Variants in WDFY3 observed in about 807,000 individuals in gnomAD.
WDFY3 encodes WD repeat and FYVE domain-containing protein 3.
WDFY3 carries 66 observed loss-of-function variants against 409.6 expected under a neutral mutation model. The ratio of observed to expected loss-of-function variants is 0.16; its 90% CI spans 0.13 to 0.20. The LOEUF (loss-of-function observed/expected upper bound fraction) is 0.20, where lower values mean the gene tolerates loss of function less well. Ranked by LOEUF, WDFY3 falls within the 10% of genes least tolerant of loss-of-function variation. WDFY3 has a pLI of 1.00. For missense variants in WDFY3, 3,031 were observed against 4,298.1 expected (o/e 0.71, Z 8.24); for synonymous variants, 1,521 against 1,537.1 (o/e 0.99, Z 0.25).
At chr4:84,766,184 C>A in intron 31 of WDFY3, 68 bp downstream of exon 31, 1 of 1,513,160 alleles carries the variant, frequency 6.6e-7, no homozygotes, top group Non-Finnish European at 8.9e-7. Context: ...GCAATTCCTT[C>A]TTTTGCCTAA....
At chr4:84,755,100 A>T (rs1001331686) in intron 34 of WDFY3, among the ~76,000 whole-genome samples, 166 bp downstream of exon 34, 4 of 152,208 alleles carry the variant, frequency 2.6e-5, no homozygotes, top group African/African-American at 9.6e-5. Context: ...ACAACTACAC[A>T]GTCTGTTCTT....
intron 58 of WDFY3, among the ~76,000 whole-genome samples, chr4:84,694,145 A>G (rs931844368): frequency 7.2e-5 from 11 of 152,226 alleles, no homozygotes; most frequent in Non-Finnish European, 1.2e-4. Flanking sequence ...CAGACTCTCA[A>G]ATCTTTAAAT....
chr4:84,860,281 A>G, intron 4 of WDFY3, 131 bp downstream of exon 4: 2 of 1,068,944 alleles, frequency 1.9e-6, no homozygotes. Flanking sequence ...GAAAACATGA[A>G]ACGAGAACAC....
intron 54 of WDFY3, 140 bp downstream of exon 54, chr4:84,705,254 G>T: frequency 1.5e-6 from 1 of 673,508 alleles, no homozygotes; most frequent in Non-Finnish European, 2.6e-6. Flanking sequence ...ATAATAATCT[G>T]CATATATGTG....
chr4:84,824,693 G>A (rs1472746344), intron 10 of WDFY3, among the ~76,000 whole-genome samples: 1 of 152,038 alleles, frequency 6.6e-6, no homozygotes, highest in Non-Finnish European at 1.5e-5. Context: ...ATATCCACTT[G>A]TCAAAACTCA....
intron 1 of WDFY3, among the ~76,000 whole-genome samples, chr4:84,950,634 C>G (rs1233522944): frequency 6.6e-6 from 1 of 151,990 alleles, no homozygotes; most frequent in Non-Finnish European, 1.5e-5. Flanking sequence ...TATTAAAATA[C>G]AAAAACTTAG....
intron 63 of WDFY3, 94 bp from the exon 64 acceptor site, chr4:84,682,564 A>G: frequency 2.0e-6 from 2 of 994,140 alleles, no homozygotes; most frequent in African/African-American, 3.3e-5. Flanking sequence ...CAGGGTTAAC[A>G]GATAACTTAA....
intron 2 of WDFY3, among the ~76,000 whole-genome samples, chr4:84,910,809 G>A (rs574902712): frequency 4.6e-5 from 7 of 152,106 alleles, no homozygotes; most frequent in South Asian, 2.1e-4. Context: ...AGGTTAAAGC[G>A]ATTCTCCTGC....
chr4:84,689,432 A>AT, intron 61 of WDFY3, among the ~76,000 whole-genome samples: 1 of 152,352 alleles, frequency 6.6e-6, no homozygotes, highest in South Asian at 2.1e-4. Flanking sequence ...ATTTTTAAGC[A>AT]TAATTTGAAT....
intron 1 of WDFY3, among the ~76,000 whole-genome samples, chr4:84,952,919 C>T (rs1049539711): frequency 4.6e-5 from 7 of 152,098 alleles, no homozygotes; most frequent in Non-Finnish European, 7.4e-5. Context: ...AACCCAACAA[C>T]CTTTCTTCTG....
intron 61 of WDFY3, among the ~76,000 whole-genome samples, chr4:84,689,805 C>T (rs979785005): frequency 6.6e-6 from 1 of 152,154 alleles, no homozygotes. Context: ...GAATACTCAA[C>T]ACAGTCCCCT....
intron 58 of WDFY3, among the ~76,000 whole-genome samples, chr4:84,693,895 C>CAAAA (rs35165784): frequency 2.5e-5 from 2 of 80,026 alleles, no homozygotes; most frequent in Non-Finnish European, 6.0e-5. Context: ...GACTCCGTCT[C>CAAAA]AAAAAAAAAA....
chr4:84,929,452 G>T (rs532113302), intron 2 of WDFY3, among the ~76,000 whole-genome samples: 19 of 151,666 alleles, frequency 1.3e-4, no homozygotes, highest in Non-Finnish European at 2.4e-4. Context: ...GTTATGTAGG[G>T]CAATAGATTG....
chr4:84,805,109 A>T (rs1466587233), intron 15 of WDFY3, among the ~76,000 whole-genome samples: 1 of 152,204 alleles, frequency 6.6e-6, no homozygotes, highest in Non-Finnish European at 1.5e-5. Flanking sequence ...CAAAATTATT[A>T]AAAATATTAC....
chr4:84,736,011 C>T (rs1452512345), intron 42 of WDFY3, among the ~76,000 whole-genome samples, 159 bp downstream of exon 42: 2 of 152,136 alleles, frequency 1.3e-5, no homozygotes, highest in East Asian at 3.8e-4. Flanking sequence ...ATAGTTTTAT[C>T]ATAAGAAAAT....
chr4:84,755,499 T>C (rs1350360025), intron 33 of WDFY3, 99 bp from the exon 34 acceptor site: 1 of 1,396,862 alleles, frequency 7.2e-7, no homozygotes, highest in East Asian at 2.5e-5. Flanking sequence ...AACTAGTTTT[T>C]TGTTGTTTTT....
Position 84,831,850 on chromosome 4 carries a change from AG to A in WDFY3, c.577-246del, listed in dbSNP as rs1755785197. On this transcript the variant is annotated intron_variant, in intron 7 of 67. Coordinates refer to ENST00000295888, the MANE Select transcript of WDFY3 (RefSeq NM_014991.6). Reference sequence around the variant, plus strand: ...AGATAAAAAAGAACAGATGCTGGTAAGGAAGTAGAGAAAGGGGAACTCCTAT... The same window carrying A: ...AGATAAAAAAGAACAGATGCTGGTAAGAAGTAGAGAAAGGGGAACTCCTAT... Among the ~76,000 whole-genome samples the A allele has an allele frequency of 2.0e-5, 3 of 152,344 alleles. No homozygotes were observed. In the South Asian group the frequency reaches 6.2e-4, roughly 32 times the overall value.
At chr4:84,884,400 T>A (rs77229687) in intron 3 of WDFY3, among the ~76,000 whole-genome samples, 21 of 152,076 alleles carry the variant, frequency 1.4e-4, no homozygotes, top group African/African-American at 4.8e-4. Flanking sequence ...TATACACTTG[T>A]ACTCTCAGAC....
chr4:84,938,159 A>G (rs1213402460), intron 1 of WDFY3, among the ~76,000 whole-genome samples: 1 of 152,140 alleles, frequency 6.6e-6, no homozygotes, highest in Non-Finnish European at 1.5e-5. Context: ...TACAGCTCCA[A>G]TGCCTAAAAA....
Sources: gnomAD v4.1 joint callset for allele counts (sites outside exome capture counted in the v4.1 genomes callset) on GRCh38, gnomAD v4.1.1 for gene constraint, MANE v1.5 for transcripts, NCBI Gene and HGNC (gene_info 2026-07-23, HGNC 2026-07-21) for gene names.